The following ATP6V1E1 variants were observed in gnomAD, a reference collection of about 807,000 sequenced individuals.
ATP6V1E1 encodes the protein V-type proton ATPase subunit E 1.
A neutral mutation model predicts 35.2 loss-of-function variants in ATP6V1E1; 21 were observed. That is an observed-to-expected ratio of 0.60 (90% confidence interval 0.42 to 0.86). The LOEUF (loss-of-function observed/expected upper bound fraction) is 0.86. ATP6V1E1 is among the 40% of genes least tolerant of loss of function. The pLI is 0.00. For missense variants in ATP6V1E1, 183 were observed against 272.6 expected, an observed-to-expected ratio of 0.67 and a Z score of 2.32; for synonymous variants, 83 against 87.8, an observed-to-expected ratio of 0.95 and a Z score of 0.30.
In ATP6V1E1 at chr22:17,592,360, T is replaced by C; in HGVS notation, c.*314A>G. Reference sequence around the variant, plus strand: ...GGCCAAACACCAAATACATCACCTTTAGGCCAGACGGAGAGTGGAGACCCA... The same window carrying C: ...GGCCAAACACCAAATACATCACCTTCAGGCCAGACGGAGAGTGGAGACCCA... On this transcript the variant is annotated 3_prime_UTR_variant, in exon 9 of 9. Transcript: ENST00000253413. The C allele has an allele frequency of 5.4e-6, 2 of 371,796 alleles. No individual in the cohort carries two copies. Among genetic ancestry groups the C allele is most frequent in the South Asian group, 5.9e-5 (2 of 33,690 alleles). 23.0% of individuals were successfully genotyped at this position (371,796 alleles called of 1,614,324 possible). A position where few individuals can be genotyped will look rare whatever the true frequency, so the allele number is the denominator to read the frequency against.
chr22:17,613,733 C>A (rs1170087992), intron 2 of ATP6V1E1, among the ~76,000 whole-genome samples: 2 of 151,816 alleles, frequency 1.3e-5, no homozygotes, highest in Non-Finnish European at 2.9e-5. Flanking sequence ...TTTGGGAGGC[C>A]GAGGCGGGTG....
chr22:17,610,230 T>A (rs2057808738), intron 4 of ATP6V1E1, among the ~76,000 whole-genome samples: 1 of 151,242 alleles, frequency 6.6e-6, no homozygotes, highest in Non-Finnish European at 1.5e-5. Flanking sequence ...TTACGTTTTT[T>A]AAAAAGCAAA....
chr22:17,597,269 T>G (rs1296829), intron 7 of ATP6V1E1, among the ~76,000 whole-genome samples: 21,844 of 147,922 alleles, frequency 0.15, 2,876 homozygotes, highest in African/African-American at 0.35. Context: ...GTGTCCAAGG[T>G]ACTTTCTTCA....
chr22:17,619,104 C>T (rs1437671681), intron 2 of ATP6V1E1: 1 of 455,230 alleles, frequency 2.2e-6, no homozygotes. Context: ...CCATCCTGGC[C>T]AACACGGTGA....
intron 2 of ATP6V1E1, 69 bp downstream of exon 2, chr22:17,619,392 A>G: frequency 7.3e-7 from 1 of 1,375,628 alleles, no homozygotes; most frequent in Non-Finnish European, 1.0e-6. Context: ...TTTACTAACA[A>G]TATTATTTAG....
At chr22:17,627,687 G>A (rs2146323413) in intron 1 of ATP6V1E1, among the ~76,000 whole-genome samples, 1 of 150,832 alleles carries the variant, frequency 6.6e-6, no homozygotes, top group South Asian at 2.1e-4. Flanking sequence ...CCGGGCTTGG[G>A]GCGCGAGTCT....
chr22:17,626,307 C>CA (rs928655426), intron 1 of ATP6V1E1, among the ~76,000 whole-genome samples: 1,776 of 61,478 alleles, frequency 0.029, 41 homozygotes, highest in East Asian at 0.056. Flanking sequence ...GACTTCGTCT[C>CA]AAAAAAAAAA....
At chr22:17,618,609 G>T (rs374246913) in intron 2 of ATP6V1E1, among the ~76,000 whole-genome samples, 2 of 150,972 alleles carry the variant, frequency 1.3e-5, no homozygotes, top group South Asian at 2.1e-4. Context: ...GTGAACCTGG[G>T]AGGTGGAGCT....
chr22:17,628,481 G>T, intron 1 of ATP6V1E1, 122 bp downstream of exon 1: 4 of 1,362,840 alleles, frequency 2.9e-6, no homozygotes, highest in East Asian at 4.6e-5. Context: ...CTGGTGACTT[G>T]GAGCAAGGGA....
intron 1 of ATP6V1E1, among the ~76,000 whole-genome samples, chr22:17,624,109 A>C (rs2057891732): frequency 1.3e-5 from 2 of 152,160 alleles, no homozygotes; most frequent in South Asian, 4.1e-4. Flanking sequence ...GAAGTCAGAA[A>C]ATTCAGGATT....
chr22:17,601,752 G>A (rs946442897), intron 4 of ATP6V1E1, among the ~76,000 whole-genome samples: 4 of 152,106 alleles, frequency 2.6e-5, no homozygotes, highest in South Asian at 2.1e-4. Flanking sequence ...GACTACAGGC[G>A]CCCACCACCA....
intron 2 of ATP6V1E1, among the ~76,000 whole-genome samples, chr22:17,615,262 C>A (rs550841981): frequency 6.6e-6 from 1 of 152,082 alleles, no homozygotes; most frequent in East Asian, 1.9e-4. Context: ...GATCATGCCA[C>A]TGCACTCTAG....
chr22:17,627,624 G>C (rs986354672), intron 1 of ATP6V1E1, among the ~76,000 whole-genome samples: 1 of 150,836 alleles, frequency 6.6e-6, no homozygotes. Context: ...TTCAAGACCA[G>C]CCAGGCCAAT....
chr22:17,616,343 G>A (rs1362899208), intron 2 of ATP6V1E1, among the ~76,000 whole-genome samples: 5 of 149,168 alleles, frequency 3.4e-5, no homozygotes, highest in Non-Finnish European at 5.9e-5. Context: ...GGGAGACTCC[G>A]TCTCAAAACT....
At chr22:17,628,093 G>A (rs1247431297) in intron 1 of ATP6V1E1, among the ~76,000 whole-genome samples, 2 of 151,506 alleles carry the variant, frequency 1.3e-5, no homozygotes, top group South Asian at 4.2e-4. Flanking sequence ...AGCTTCCCGA[G>A]TAGCTGGGAT....
rs2057827849 is a variant in ATP6V1E1, at chr22:17,613,816, A to C, written c.100-496T>G. Among the ~76,000 whole-genome samples the C allele has an allele frequency of 1.3e-5, 2 of 151,984 alleles. 1 individual carries two copies. Among genetic ancestry groups the C allele is most frequent in the Admixed American group, 1.3e-4 (2 of 15,248 alleles). Reference sequence around the variant, plus strand: ...CCCTGTCTCTACTAAAAATACAAAAAATTAGCCAGGCGCGGTGGCAGGCGC... The same window carrying C: ...CCCTGTCTCTACTAAAAATACAAAACATTAGCCAGGCGCGGTGGCAGGCGC... On this transcript the variant is annotated intron_variant, in intron 2 of 8. Transcript: ENST00000253413.
chr22:17,612,375 C>T (rs918674151), intron 4 of ATP6V1E1, among the ~76,000 whole-genome samples: 9 of 152,220 alleles, frequency 5.9e-5, no homozygotes, highest in Non-Finnish European at 1.2e-4. Context: ...TTTCTTTTTT[C>T]CAGCCTCTTC....
chr22:17,625,347 C>T (rs1031905699), intron 1 of ATP6V1E1, among the ~76,000 whole-genome samples: 47 of 152,064 alleles, frequency 3.1e-4, no homozygotes, highest in African/African-American at 1.0e-3. Flanking sequence ...CTTGCTGCAA[C>T]CTCTGGGTTC....
intron 1 of ATP6V1E1, among the ~76,000 whole-genome samples, chr22:17,628,238 T>C (rs1017838102): frequency 6.6e-6 from 1 of 152,212 alleles, no homozygotes; most frequent in Non-Finnish European, 1.5e-5. Context: ...AATACTGGGA[T>C]TACAGGCGTG....
Sources: allele counts gnomAD v4.1 joint callset (sites outside exome capture counted in the v4.1 genomes callset), GRCh38; gene constraint gnomAD v4.1.1; transcripts MANE v1.5; gene names NCBI Gene and HGNC (gene_info 2026-07-23, HGNC 2026-07-21).